RNF130: variants seen among roughly 807,000 people sequenced by gnomAD.
The protein encoded by RNF130 is ring finger protein 130.
In RNF130, 21 loss-of-function variants were observed where a neutral mutation model predicts 44.6. The observed-to-expected ratio is 0.47, with a 90% CI of 0.33 to 0.68. The LOEUF is 0.68. Ranked by LOEUF, RNF130 falls within the 30% of genes least tolerant of loss-of-function variation. The pLI, the probability that RNF130 is intolerant of heterozygous loss-of-function variation, is 0.02. For synonymous variants in RNF130, 214 were observed against 210.4 expected (o/e 1.02, Z -0.15); for missense variants, 479 against 560.6 (o/e 0.85, Z 1.47).
chr5:180,059,429 C>A (rs1764918930), intron 1 of RNF130, among the ~76,000 whole-genome samples: 1 of 152,174 alleles, frequency 6.6e-6, no homozygotes, highest in Non-Finnish European at 1.5e-5. Flanking sequence ...CCTTTTACTT[C>A]CCCCCACCAG....
At chr5:179,996,401 T>A (rs1763197244) in intron 3 of RNF130, among the ~76,000 whole-genome samples, 1 of 152,248 alleles carries the variant, frequency 6.6e-6, no homozygotes, top group African/African-American at 2.4e-5. Flanking sequence ...TTTTTCCACA[T>A]CTTAGTGGAA....
rs1162309913 is a variant in RNF130, at chr5:180,071,574, C to T, written c.129G>A (p.Val43=). Residue 43 remains valine (V), a synonymous_variant, in exon 1 of 9, where the codon GTG becomes GTA. Coordinates refer to ENST00000521389, the MANE Select transcript of RNF130 (RefSeq NM_018434.6). ...GCGGGGCGCCGCGGCCGGGCTCCTG[C>T]ACCGTCACGTTGATGAGCGCCGTGT... ...EYYTALINVT[V]QEPGRGAPLT... 6.7e-7 allele frequency: 1 copy of T among 1,485,008 alleles called. No homozygotes were observed. The highest frequency in any genetic ancestry group is 2.7e-5 in the East Asian group (1 of 36,616). 92.0% of individuals were successfully genotyped at this position (1,485,008 alleles called of 1,614,324 possible). A position where few individuals can be genotyped will look rare whatever the true frequency, so the allele number is the denominator to read the frequency against.
chr5:179,956,975 A>G (rs1333513041), intron 8 of RNF130, among the ~76,000 whole-genome samples: 1 of 152,260 alleles, frequency 6.6e-6, no homozygotes, highest in African/African-American at 2.4e-5. Context: ...AACTTCACAT[A>G]AAGTTCTGTA....
intron 2 of RNF130, among the ~76,000 whole-genome samples, chr5:180,039,863 T>C (rs1764364597): frequency 6.6e-6 from 1 of 152,186 alleles, no homozygotes; most frequent in African/African-American, 2.4e-5. Flanking sequence ...GTCTGTAAGA[T>C]GGGAGAGAAC....
intron 3 of RNF130, among the ~76,000 whole-genome samples, chr5:180,012,826 T>C (rs1314249092): frequency 2.0e-5 from 3 of 152,208 alleles, no homozygotes; most frequent in Admixed American, 6.5e-5. Flanking sequence ...TACTATGATA[T>C]CAAGCTATCT....
intron 2 of RNF130, among the ~76,000 whole-genome samples, chr5:180,027,022 T>A (rs1764007496): frequency 6.6e-6 from 1 of 152,138 alleles, no homozygotes; most frequent in Non-Finnish European, 1.5e-5. Context: ...ATGATCCGGG[T>A]TTCTCTCCTT....
intron 3 of RNF130, among the ~76,000 whole-genome samples, chr5:180,009,838 G>C (rs558012281): frequency 1.3e-5 from 2 of 152,282 alleles, no homozygotes; most frequent in African/African-American, 4.8e-5. Context: ...GCCAAAATCT[G>C]AAAACATCCC....
chr5:179,927,422 T>C (rs999535589), intron 7 of RNF130, among the ~76,000 whole-genome samples: 2 of 152,136 alleles, frequency 1.3e-5, no homozygotes, highest in African/African-American at 4.8e-5. Flanking sequence ...TCCAGTTCAA[T>C]GAATTTCCAC....
intron 5 of RNF130, among the ~76,000 whole-genome samples, chr5:179,972,184 A>C (rs1240800904): frequency 6.6e-6 from 1 of 152,156 alleles, no homozygotes; most frequent in Non-Finnish European, 1.5e-5. Context: ...ACTTTCCAGC[A>C]GGGGTCAAGT....
intron 1 of RNF130, among the ~76,000 whole-genome samples, chr5:180,061,333 C>T (rs1165697088): frequency 2.0e-5 from 3 of 152,122 alleles, no homozygotes; most frequent in Admixed American, 6.5e-5. Context: ...AAGTATAGCT[C>T]GACTCTCTCC....
rs758287290 is a variant in RNF130, at chr5:179,963,533, G to A, written c.1182C>T (p.Leu394=). 1.9e-6 allele frequency: 3 copies of A among 1,613,858 alleles called. No individual in the cohort carries two copies. The highest frequency in any genetic ancestry group is 2.5e-6 in the Non-Finnish European group (3 of 1,179,844). The change falls in exon 8 of 9, where the codon CTC becomes CTT. Residue 394 remains leucine, a synonymous_variant. Coordinates refer to ENST00000521389, the MANE Select transcript of RNF130 (RefSeq NM_018434.6). ...KEWFIIASFG[L]LSALTLCYMI... ...TGTAGCAGAGTGTGAGGGCACTGAG[G>A]AGGCCAAAACTGGCAATAATAAACC...
At chr5:179,923,449 ATATTT>A (rs1004843910) in intron 7 of RNF130, among the ~76,000 whole-genome samples, 1 of 152,182 alleles carries the variant, frequency 6.6e-6, no homozygotes, top group Non-Finnish European at 1.5e-5. Context: ...GCTTCCTTAT[ATATTT>A]TAAGTTCGGC....
At chr5:179,958,480 C>T (rs1762257464) in intron 8 of RNF130, among the ~76,000 whole-genome samples, 1 of 152,176 alleles carries the variant, frequency 6.6e-6, no homozygotes, top group African/African-American at 2.4e-5. Context: ...CCCAACAGCT[C>T]TCCTCGGCCT....
intron 5 of RNF130, among the ~76,000 whole-genome samples, chr5:179,973,832 C>CGT (rs1554102211): frequency 6.6e-6 from 1 of 152,134 alleles, no homozygotes; most frequent in African/African-American, 2.4e-5. Context: ...AAGCAGGTAA[C>CGT]GTGGACAGTG....
intron 3 of RNF130, among the ~76,000 whole-genome samples, chr5:179,990,423 C>T (rs1452495317): frequency 6.6e-6 from 1 of 152,216 alleles, no homozygotes; most frequent in Non-Finnish European, 1.5e-5. Flanking sequence ...AGGGCGGAGC[C>T]AGGTGTACAG....
chr5:179,960,751 G>C (rs1156300936), intron 8 of RNF130, among the ~76,000 whole-genome samples: 1 of 151,798 alleles, frequency 6.6e-6, no homozygotes, highest in Admixed American at 6.6e-5. Flanking sequence ...TTTTTGGACA[G>C]TCATTAAAAT....
intron 1 of RNF130, among the ~76,000 whole-genome samples, chr5:180,055,248 C>CAAAAAAA (rs1205914690): frequency 1.4e-4 from 3 of 20,982 alleles, no homozygotes; most frequent in East Asian, 1.2e-3. Context: ...GGTTCTGTCT[C>CAAAAAAA]AAAAAAAAAA....
intron 7 of RNF130, among the ~76,000 whole-genome samples, chr5:179,949,815 G>A (rs1190123105): frequency 6.6e-6 from 1 of 152,160 alleles, no homozygotes; most frequent in African/African-American, 2.4e-5. Flanking sequence ...AAATAATTAA[G>A]ACCAGAGATG....
intron 2 of RNF130, among the ~76,000 whole-genome samples, chr5:180,017,352 T>G (rs1418047146): frequency 6.6e-6 from 1 of 152,192 alleles, no homozygotes; most frequent in East Asian, 1.9e-4. Context: ...ACTTGGTTAT[T>G]TTGGTATCTG....
Sources: allele counts gnomAD v4.1 joint callset (sites outside exome capture counted in the v4.1 genomes callset), GRCh38; gene constraint gnomAD v4.1.1; transcripts MANE v1.5; gene names NCBI Gene and HGNC (gene_info 2026-07-23, HGNC 2026-07-21).